The following PUM3 variants were observed in gnomAD, a reference collection of about 807,000 sequenced individuals.
PUM3 encodes pumilio RNA binding family member 3, also known as pumilio homolog 3.
A neutral mutation model predicts 84.0 loss-of-function variants in PUM3; 91 were observed. The observed-to-expected ratio is 1.08, with a 90% confidence interval of 0.91 to 1.29. The LOEUF (loss-of-function observed/expected upper bound fraction) is 1.29, where lower values mean the gene tolerates loss of function less well. Ranked by LOEUF, PUM3 falls within the 50% of genes most tolerant of loss-of-function variation. The pLI, the probability that PUM3 is intolerant of heterozygous loss-of-function variation, is 0.00. For missense variants in PUM3, 1,067 were observed against 767.5 expected, an observed-to-expected ratio of 1.39 and a Z score of -4.61; for synonymous variants, 321 against 266.7, an observed-to-expected ratio of 1.20 and a Z score of -1.98.
intron 9 of PUM3, among the ~76,000 whole-genome samples, chr9:2,828,126 A>G (rs893723709): frequency 6.6e-6 from 1 of 152,066 alleles, no homozygotes; most frequent in African/African-American, 2.4e-5. Flanking sequence ...TGCAGCCATG[A>G]CCTCCTGGGC....
At chr9:2,807,548 A>G (rs1341310104) in intron 17 of PUM3, among the ~76,000 whole-genome samples, 2 of 127,354 alleles carry the variant, frequency 1.6e-5, no homozygotes, top group African/African-American at 3.0e-5. Context: ...GGCTGCAGTG[A>G]GCTGAGATCG....
At chr9:2,807,600 CAAAAA>C (rs71329449) in intron 17 of PUM3, among the ~76,000 whole-genome samples, 2 of 67,116 alleles carry the variant, frequency 3.0e-5, no homozygotes, top group Non-Finnish European at 2.5e-5. Flanking sequence ...GACTCCATCT[CAAAAA>C]AAAAAAAAAA....
intron 13 of PUM3, among the ~76,000 whole-genome samples, chr9:2,813,594 A>T (rs1316822729): frequency 1.3e-5 from 2 of 152,208 alleles, no homozygotes; most frequent in Non-Finnish European, 2.9e-5. Context: ...AAGGAAGGGA[A>T]TTCTCTCTGA....
At chr9:2,828,828 C>T in intron 8 of PUM3, 50 bp from the exon 9 acceptor site, 1 of 1,038,696 alleles carries the variant, frequency 9.6e-7, no homozygotes, top group Non-Finnish European at 1.5e-6. Flanking sequence ...TCAATTTTTT[C>T]ACTTCAGGAA....
chr9:2,811,612 G>C (rs776519408), intron 14 of PUM3, 29 bp from the exon 15 acceptor site: 11 of 1,560,254 alleles, frequency 7.1e-6, no homozygotes, highest in Non-Finnish European at 7.1e-6. Context: ...GGGGTATTAA[G>C]GTAAGATAAA....
chr9:2,805,537 T>G (rs1821240950), intron 17 of PUM3, among the ~76,000 whole-genome samples: 1 of 152,182 alleles, frequency 6.6e-6, no homozygotes, highest in African/African-American at 2.4e-5. Context: ...CCAAGCAATA[T>G]TCTACTGCTT....
intron 16 of PUM3, 76 bp downstream of exon 16, chr9:2,810,268 G>T: frequency 1.1e-6 from 1 of 937,516 alleles, no homozygotes; most frequent in Non-Finnish European, 1.7e-6. Flanking sequence ...TAAATGGCTG[G>T]TATAAAGTTC....
chr9:2,821,446 A>AAAAAAAAAAAG (rs1815623395), intron 12 of PUM3, among the ~76,000 whole-genome samples: 1 of 145,366 alleles, frequency 6.9e-6, no homozygotes, highest in Non-Finnish European at 1.5e-5. Context: ...TCTGTCTCAA[A>AAAAAAAAAAAG]AAAAAAAAAA....
intron 1 of PUM3, among the ~76,000 whole-genome samples, chr9:2,838,865 G>C (rs1382173938): frequency 2.0e-5 from 3 of 152,234 alleles, no homozygotes; most frequent in South Asian, 4.1e-4. Flanking sequence ...TTTGTAACCT[G>C]GGAAGACTAG....
rs1815762717 is a variant in PUM3, at chr9:2,824,752, C to A, written c.1099G>T (p.Val367Leu). 1 of 1,587,444 alleles carries A rather than the reference C, an allele frequency of 6.3e-7. No homozygotes were observed. Among genetic ancestry groups the A allele is most frequent in the Non-Finnish European group, 8.6e-7 (1 of 1,163,180 alleles). ...YLAHTHDGAR[V>L]AMHCLWHGTP... is the part of the protein sequence containing the mutation. ...CCATGCCACAGGCAGTGCATGGCCA[C>A]TCTGGCGCCATCGTGTGTGTGTGCC... Residue 367 changes from valine (V) to leucine (L), a missense_variant, in exon 11 of 18, where the codon GTG becomes TTG. Transcript: ENST00000397885.
intron 17 of PUM3, 35 bp downstream of exon 17, chr9:2,807,779 G>T: frequency 7.5e-7 from 1 of 1,334,978 alleles, no homozygotes; most frequent in Non-Finnish European, 1.1e-6. Context: ...TGCATGACCA[G>T]GCCCTGCTCA....
chr9:2,811,616 A>G, intron 14 of PUM3, 33 bp from the exon 15 acceptor site: 2 of 1,534,428 alleles, frequency 1.3e-6, no homozygotes, highest in Non-Finnish European at 9.0e-7. Context: ...TATTAAGGTA[A>G]GATAAATCGC....
At chr9:2,805,738 T>A (rs1038640652) in intron 17 of PUM3, among the ~76,000 whole-genome samples, 2 of 152,204 alleles carry the variant, frequency 1.3e-5, no homozygotes, top group Non-Finnish European at 2.9e-5. Flanking sequence ...CTAGGCATTT[T>A]ATATGCATCA....
At chr9:2,843,507 A>C (rs950521263) in intron 1 of PUM3, among the ~76,000 whole-genome samples, 1 of 151,574 alleles carries the variant, frequency 6.6e-6, no homozygotes, top group Non-Finnish European at 1.5e-5. Context: ...TTCCGGAGTG[A>C]AGCTAGTCCA....
chr9:2,807,688 C>A (rs1230646754), intron 17 of PUM3, 126 bp downstream of exon 17: 2 of 588,788 alleles, frequency 3.4e-6, no homozygotes, highest in Non-Finnish European at 6.1e-6. Flanking sequence ...TTTGTCTAGA[C>A]CATGAGTGAC....
chr9:2,823,977 G>T, intron 11 of PUM3, 143 bp from the exon 12 acceptor site: 1 of 498,516 alleles, frequency 2.0e-6, no homozygotes, highest in Non-Finnish European at 3.5e-6. Flanking sequence ...TATACAGCCA[G>T]AACAAAAAAA....
intron 13 of PUM3, among the ~76,000 whole-genome samples, chr9:2,812,694 A>G (rs1281894366): frequency 6.6e-6 from 1 of 152,210 alleles, no homozygotes; most frequent in Non-Finnish European, 1.5e-5. Flanking sequence ...GCACACAGAG[A>G]TTTACATTTA....
intron 5 of PUM3, among the ~76,000 whole-genome samples, chr9:2,831,673 G>C (rs1432602933): frequency 1.3e-5 from 2 of 152,086 alleles, no homozygotes; most frequent in East Asian, 3.8e-4. Context: ...TCTTTGATAA[G>C]TTACCGTCCC....
chr9:2,817,129 T>A (rs1022728310), intron 13 of PUM3, among the ~76,000 whole-genome samples: 1 of 152,230 alleles, frequency 6.6e-6, no homozygotes. Flanking sequence ...CACAAGAATG[T>A]TCAAGGATTT....
Sources: allele counts gnomAD v4.1 joint callset (sites outside exome capture counted in the v4.1 genomes callset), GRCh38; gene constraint gnomAD v4.1.1; transcripts MANE v1.5; gene names NCBI Gene and HGNC (gene_info 2026-07-23, HGNC 2026-07-21).